Variants in AGPAT4 observed in about 807,000 individuals in gnomAD.
AGPAT4 encodes 1-acyl-sn-glycerol-3-phosphate acyltransferase delta.
Under a neutral mutation model 48.0 loss-of-function variants are expected in AGPAT4, and 15 were observed. That is an observed-to-expected ratio of 0.31 (90% CI 0.21 to 0.48). AGPAT4 has a LOEUF of 0.48. AGPAT4 is among the 20% of genes least tolerant of loss of function. AGPAT4 has a pLI of 0.99. For synonymous variants in AGPAT4, 178 were observed against 198.7 expected (o/e 0.90, Z 0.88); for missense variants, 314 against 482.5 (o/e 0.65, Z 3.27).
chr6:161,183,169 T>A (rs994320844), intron 2 of AGPAT4, among the ~76,000 whole-genome samples: 6 of 152,200 alleles, frequency 3.9e-5, no homozygotes, highest in African/African-American at 1.2e-4. Flanking sequence ...GTGTTTCTGA[T>A]GACCCAGGCC....
chr6:161,229,828 C>T lies in AGPAT4; in HGVS notation c.178+2208G>A, dbSNP rs117534717. Among the ~76,000 whole-genome samples the T allele has an allele frequency of 4.9e-3, 753 of 152,238 alleles. 14 individuals carry two copies. The highest frequency in any genetic ancestry group is 0.036 in the East Asian group (185 of 5,156). On this transcript the variant is annotated intron_variant, in intron 2 of 8. Transcript: ENST00000320285. This position sits in a 1 kb window ranked among gnomAD's most constrained non-coding sequence, Gnocchi z 6.0. The stretch of plus-strand genomic sequence containing the variant: ...CCCAAAGCCCTAGGAAGCCTTCCTC[C>T]GGGGACATAGGCAAAGGTCATTGCT...
rs868443503 is a variant in AGPAT4, at chr6:161,204,040, A to G, written c.178+27996T>C. ...CTTGAAGCCAAAGCCACTCATGATT[A>G]ATGTTGATTCTAGGTTGTTAAATGT... On this transcript the variant is annotated intron_variant, in intron 2 of 8. Coordinates refer to ENST00000320285, the MANE Select transcript of AGPAT4 (RefSeq NM_020133.3). The surrounding 1 kb of genome is among the most constrained non-coding windows in gnomAD (Gnocchi z 4.4). Among the ~76,000 whole-genome samples, 21 of 152,222 alleles carry G rather than the reference A, an allele frequency of 1.4e-4. No individual in the cohort carries two copies. Among genetic ancestry groups the G allele is most frequent in the Admixed American group, 9.8e-4 (15 of 15,284 alleles).
At position 161,240,936 on chromosome 6, in the gene AGPAT4, G is replaced by A. The variant is rs1782464268; in HGVS notation, c.-89-8634C>T. 6.6e-6 allele frequency among the ~76,000 whole-genome samples: 1 copy of A among 152,068 alleles called. No individual in the cohort carries two copies. The highest frequency in any genetic ancestry group is 2.1e-4 in the South Asian group (1 of 4,818). On this transcript the variant is annotated intron_variant, in intron 1 of 8. Transcript: ENST00000320285. The surrounding 1 kb of genome is among the most constrained non-coding windows in gnomAD (Gnocchi z 5.5). Reference sequence around the variant, plus strand: ...CTAGACTGGATTTAACTGTCTTTGGGACGAGCTCTAAGTAACATAGTCCTC... The same window carrying A: ...CTAGACTGGATTTAACTGTCTTTGGAACGAGCTCTAAGTAACATAGTCCTC...
In AGPAT4 at chr6:161,134,937, C is replaced by T. The variant is rs1399392769; in HGVS notation, c.*1603G>A. Reference sequence around the variant, plus strand: ...GCCCTAGGCTCTGCAGTACGCTCTTCCCACAAGTCAGCCAGGATTTTTTCC... The same window carrying T: ...GCCCTAGGCTCTGCAGTACGCTCTTTCCACAAGTCAGCCAGGATTTTTTCC... On this transcript the variant is annotated 3_prime_UTR_variant, in exon 9 of 9. Coordinates refer to ENST00000320285, the MANE Select transcript of AGPAT4 (RefSeq NM_020133.3). The T allele has an allele frequency of 6.6e-6, 1 of 152,280 alleles. No individual in the cohort carries two copies. The highest frequency in any genetic ancestry group is 2.4e-5 in the African/African-American group (1 of 41,472). The allele number at this position is 152,280 out of a possible 1,614,324, so 9.4% of individuals were successfully genotyped here.
At chr6:161,153,520 G>C in intron 4 of AGPAT4, 21 bp from the exon 5 acceptor site, 1 of 1,612,208 alleles carries the variant, frequency 6.2e-7, no homozygotes, top group South Asian at 1.1e-5. Context: ...GGAGGCAGGA[G>C]TCGCACGCAG....
In AGPAT4 at chr6:161,152,864, A is replaced by G. The variant is rs146804280; in HGVS notation, c.664+482T>C. On this transcript the variant is annotated intron_variant, in intron 5 of 8. Transcript: ENST00000320285. ...GAGACAGAAGGGTCAAAAAGAAGAC[A>G]AAAGCATGACAAGAGGCCAGAGGCA... Among the ~76,000 whole-genome samples, 3 of 152,342 alleles carry G rather than the reference A, an allele frequency of 2.0e-5. No homozygotes were observed. In the East Asian group the frequency reaches 5.8e-4, roughly 29 times the overall value.
intron 2 of AGPAT4, among the ~76,000 whole-genome samples, chr6:161,187,737 TTTCACC>T (rs1780812476): frequency 6.6e-6 from 1 of 151,850 alleles, no homozygotes; most frequent in Non-Finnish European, 1.5e-5. Context: ...AGAGACAGGG[TTTCACC>T]ATGTTGGCCA....
Position 161,142,527 on chromosome 6 carries a change from G to A in AGPAT4, c.844-2907C>T, listed in dbSNP as rs893032761. 3.3e-5 allele frequency among the ~76,000 whole-genome samples: 5 copies of A among 152,242 alleles called. No homozygotes were observed. Among genetic ancestry groups the A allele is most frequent in the African/African-American group, 4.8e-5 (2 of 41,540 alleles). On this transcript the variant is annotated intron_variant, in intron 7 of 8. Transcript: ENST00000320285. This position sits in a 1 kb window ranked among gnomAD's most constrained non-coding sequence, Gnocchi z 6.4. ...GGAGAACGAGATCCTATTGAGAGGC[G>A]GCAGATCCCCGGACGAACGCCCCCT...
Position 161,136,351 on chromosome 6 carries a change from GA to G in AGPAT4, c.*188del, listed in dbSNP as rs537340762. 9 of 596,004 alleles carry G rather than the reference GA, an allele frequency of 1.5e-5. No homozygotes were observed. Among genetic ancestry groups the G allele is most frequent in the African/African-American group, 3.7e-5 (2 of 53,782 alleles). The allele number at this position is 596,004 out of a possible 1,614,324, so 36.9% of individuals were successfully genotyped here. A position where few individuals can be genotyped will look rare whatever the true frequency, so the allele number is the denominator to read the frequency against. The stretch of plus-strand genomic sequence containing the variant: ...ACCAAAGCCCACTAAAGCACATGGG[GA>G]AAAAAAGATTACAAAACATCTTCCT... On this transcript the variant is annotated 3_prime_UTR_variant, in exon 9 of 9. Transcript: ENST00000320285.
At position 161,233,967 on chromosome 6, in the gene AGPAT4, G is replaced by C. The variant is rs1300095863; in HGVS notation, c.-89-1665C>G. Reference sequence around the variant, plus strand: ...TGGTGAGGTTGGGCAACTTGCCTAAGCTTGCCACAATCGGTAACTGATCTT... The same window carrying C: ...TGGTGAGGTTGGGCAACTTGCCTAACCTTGCCACAATCGGTAACTGATCTT... On this transcript the variant is annotated intron_variant, in intron 1 of 8. Transcript: ENST00000320285. The surrounding 1 kb of genome is among the most constrained non-coding windows in gnomAD (Gnocchi z 5.4). 6.6e-6 allele frequency among the ~76,000 whole-genome samples: 1 copy of C among 152,186 alleles called. No individual in the cohort carries two copies. Among genetic ancestry groups the C allele is most frequent in the Non-Finnish European group, 1.5e-5 (1 of 68,034 alleles).
rs910205685 is a variant in AGPAT4, at chr6:161,219,254, A to C, written c.178+12782T>G. Among the ~76,000 whole-genome samples, 3 of 152,158 alleles carry C rather than the reference A, an allele frequency of 2.0e-5. No individual in the cohort carries two copies. Among genetic ancestry groups the C allele is most frequent in the African/African-American group, 7.2e-5 (3 of 41,462 alleles). ...TTCAATGTTTTTGATTCCTTAAAAA[A>C]AAAATTAAATATGCACCATTAGCAT... On this transcript the variant is annotated intron_variant, in intron 2 of 8. Coordinates refer to ENST00000320285, the MANE Select transcript of AGPAT4 (RefSeq NM_020133.3). This position sits in a 1 kb window ranked among gnomAD's most constrained non-coding sequence, Gnocchi z 4.9.
In AGPAT4 at chr6:161,243,048, G is replaced by C. The variant is rs929723335; in HGVS notation, c.-89-10746C>G. ...ACTGCACTCCAGCTTGGGCGACAGAGCCAGACTCTGTCTCAAAAAAATTTT... is the reference window on the plus strand; with the variant it reads ...ACTGCACTCCAGCTTGGGCGACAGACCCAGACTCTGTCTCAAAAAAATTTT... On this transcript the variant is annotated intron_variant, in intron 1 of 8. Transcript: ENST00000320285. The surrounding 1 kb of genome is among the most constrained non-coding windows in gnomAD (Gnocchi z 4.8). Among the ~76,000 whole-genome samples the C allele has an allele frequency of 6.6e-6, 1 of 152,060 alleles. No individual in the cohort carries two copies.
intron 1 of AGPAT4, among the ~76,000 whole-genome samples, chr6:161,237,439 G>C (rs778096871): frequency 9.2e-5 from 14 of 152,152 alleles, no homozygotes; most frequent in Non-Finnish European, 2.1e-4. Flanking sequence ...AGCACCACTT[G>C]GATGTAAAAA....
chr6:161,142,798 G>A lies in AGPAT4; in HGVS notation c.844-3178C>T, dbSNP rs1779296267. On this transcript the variant is annotated intron_variant, in intron 7 of 8. Coordinates refer to ENST00000320285, the MANE Select transcript of AGPAT4 (RefSeq NM_020133.3). The surrounding 1 kb of genome is among the most constrained non-coding windows in gnomAD (Gnocchi z 6.4). ...CGCTCGCAAGCCTTGGTCTCAGCCC[G>A]CAGACACCACCCGAGTGCACGGCCA... 1.3e-5 allele frequency among the ~76,000 whole-genome samples: 2 copies of A among 152,208 alleles called. No individual in the cohort carries two copies. The highest frequency in any genetic ancestry group is 6.5e-5 in the Admixed American group (1 of 15,280).
At chr6:161,253,654 ACCCC>A (rs142155218) in intron 1 of AGPAT4, among the ~76,000 whole-genome samples, 1 of 151,772 alleles carries the variant, frequency 6.6e-6, no homozygotes, top group African/African-American at 2.4e-5. Flanking sequence ...AATATATTGC[ACCCC>A]CCAAGATTGA....
chr6:161,261,694 C>G lies in AGPAT4; in HGVS notation c.-90+12244G>C, dbSNP rs955334030. On this transcript the variant is annotated intron_variant, in intron 1 of 8. Coordinates refer to ENST00000320285, the MANE Select transcript of AGPAT4 (RefSeq NM_020133.3). The surrounding 1 kb of genome is among the most constrained non-coding windows in gnomAD (Gnocchi z 5.3). ...GACATGGGACAAGTCAGTAATTGAGCTCTACCTCTTTTCTAGGAATACATG... is the reference window on the plus strand; with the variant it reads ...GACATGGGACAAGTCAGTAATTGAGGTCTACCTCTTTTCTAGGAATACATG... Among the ~76,000 whole-genome samples, 4 of 152,236 alleles carry G rather than the reference C, an allele frequency of 2.6e-5. No homozygotes were observed. The highest frequency in any genetic ancestry group is 2.6e-4 in the Admixed American group (4 of 15,284).
Position 161,229,643 on chromosome 6 carries a change from G to T in AGPAT4, c.178+2393C>A, listed in dbSNP as rs1036773166. Among the ~76,000 whole-genome samples the T allele has an allele frequency of 6.6e-6, 1 of 152,138 alleles. No homozygotes were observed. The highest frequency in any genetic ancestry group is 2.4e-5 in the African/African-American group (1 of 41,428). Reference sequence around the variant, plus strand: ...ATTCTCTCAAACCTGGGGATAGTTTGCACTGGCTTATCACCATGAGGTGCC... The same window carrying T: ...ATTCTCTCAAACCTGGGGATAGTTTTCACTGGCTTATCACCATGAGGTGCC... On this transcript the variant is annotated intron_variant, in intron 2 of 8. Coordinates refer to ENST00000320285, the MANE Select transcript of AGPAT4 (RefSeq NM_020133.3). The surrounding 1 kb of genome is among the most constrained non-coding windows in gnomAD (Gnocchi z 6.0).
At chr6:161,209,017 G>A (rs1385580764) in intron 2 of AGPAT4, among the ~76,000 whole-genome samples, 1 of 152,168 alleles carries the variant, frequency 6.6e-6, no homozygotes, top group Non-Finnish European at 1.5e-5. Flanking sequence ...GAACAGGAAA[G>A]GCTGACTTTC....
Position 161,240,221 on chromosome 6 carries a change from T to C in AGPAT4, c.-89-7919A>G, listed in dbSNP as rs1029076491. ...CACTAACAGCAGATATCTTTGTGTA[T>C]ACACACACACACACACACACACACA... On this transcript the variant is annotated intron_variant, in intron 1 of 8. Transcript: ENST00000320285. The surrounding 1 kb of genome is among the most constrained non-coding windows in gnomAD (Gnocchi z 5.5). Among the ~76,000 whole-genome samples the C allele has an allele frequency of 7.6e-5, 11 of 144,330 alleles. No individual in the cohort carries two copies. The highest frequency in any genetic ancestry group is 6.3e-4 in the East Asian group (3 of 4,734). The allele number at this position is 144,330 out of a possible 152,430, so 94.7% of individuals were successfully genotyped here. A position where few individuals can be genotyped will look rare whatever the true frequency, so the allele number is the denominator to read the frequency against.
Sources: gnomAD v4.1 joint callset for allele counts (sites outside exome capture counted in the v4.1 genomes callset) on GRCh38, gnomAD v4.1.1 for gene constraint, Gnocchi (gnomAD v3.1) non-coding constraint, MANE v1.5 for transcripts, NCBI Gene and HGNC (gene_info 2026-07-23, HGNC 2026-07-21) for gene names.